SLC25A13: variants seen among roughly 807,000 people sequenced by gnomAD.
The protein encoded by SLC25A13 is solute carrier family 25 member 13.
A neutral mutation model predicts 85.5 loss-of-function variants in SLC25A13; 70 were observed. The ratio of observed to expected loss-of-function variants is 0.82; its 90% CI spans 0.68 to 1.00. The LOEUF (loss-of-function observed/expected upper bound fraction) is 1.00. Ranked by LOEUF, SLC25A13 falls within the 50% of genes least tolerant of loss-of-function variation. SLC25A13 has a pLI of 0.00. For synonymous variants in SLC25A13, 259 were observed against 288.7 expected (o/e 0.90, Z 1.04); for missense variants, 765 against 819.8 (o/e 0.93, Z 0.82).
chr7:96,184,986 G>T lies in SLC25A13; in HGVS notation c.959C>A (p.Pro320Gln). 6.2e-7 allele frequency: 1 copy of T among 1,614,146 alleles called. No individual in the cohort carries two copies. The highest frequency in any genetic ancestry group is 1.3e-5 in the African/African-American group (1 of 75,048). The change falls in exon 10 of 18, where the codon CCA (proline) becomes CAA (glutamine). Residue 320 changes from proline to glutamine, a missense_variant. Coordinates refer to ENST00000265631, the MANE Select transcript of SLC25A13 (RefSeq NM_014251.3). The part of the protein sequence containing the change: ...RQKASGDSAR[P>Q]VLLQVAESAY... ...CGACTCTGCAACTTGTAGAAGAACT[G>T]GTCGAGCTGAATCACCTGAGGCCTT...
chr7:96,170,337 A>G (rs1475761166), intron 12 of SLC25A13, among the ~76,000 whole-genome samples: 2 of 152,214 alleles, frequency 1.3e-5, no homozygotes, highest in Admixed American at 6.5e-5. Flanking sequence ...TGCATCACTG[A>G]TGTTTCAGGA....
intron 1 of SLC25A13, chr7:96,309,645 G>C (rs568770185): frequency 2.0e-5 from 3 of 152,278 alleles, no homozygotes; most frequent in African/African-American, 7.2e-5. Flanking sequence ...GTTACTCTGA[G>C]GCATATCTGT....
Position 96,120,733 on chromosome 7 carries a change from T to C in SLC25A13, c.*458A>G, listed in dbSNP as rs887970622. Reference sequence around the variant, plus strand: ...TTGAAGCCAGGCTGAATATATTTGATATATATTTTTTCATTTCTCCCAGTG... The same window carrying C: ...TTGAAGCCAGGCTGAATATATTTGACATATATTTTTTCATTTCTCCCAGTG... On this transcript the variant is annotated 3_prime_UTR_variant, in exon 18 of 18. Transcript: ENST00000265631. 4.4e-6 allele frequency: 2 copies of C among 454,114 alleles called. No individual in the cohort carries two copies. The highest frequency in any genetic ancestry group is 8.8e-6 in the Non-Finnish European group (2 of 226,910). The allele number at this position is 454,114 out of a possible 1,614,324, so 28.1% of individuals were successfully genotyped here. A position where few individuals can be genotyped will look rare whatever the true frequency, so the allele number is the denominator to read the frequency against.
At chr7:96,254,494 T>C (rs925870692) in intron 3 of SLC25A13, among the ~76,000 whole-genome samples, 3 of 152,236 alleles carry the variant, frequency 2.0e-5, no homozygotes, top group Admixed American at 2.0e-4. Flanking sequence ...GTCCTTATAA[T>C]AAATGTCTTC....
intron 13 of SLC25A13, among the ~76,000 whole-genome samples, chr7:96,150,327 G>A (rs557134718): frequency 2.0e-5 from 3 of 152,142 alleles, no homozygotes; most frequent in Non-Finnish European, 4.4e-5. Context: ...GAAGTAGTAA[G>A]GGTAGAAGTC....
chr7:96,235,081 T>G (rs1796696142), intron 3 of SLC25A13, among the ~76,000 whole-genome samples, 164 bp from the exon 4 acceptor site: 1 of 152,228 alleles, frequency 6.6e-6, no homozygotes, highest in Non-Finnish European at 1.5e-5. Flanking sequence ...TATAGTGGAC[T>G]GAAATAATAA....
At chr7:96,227,415 G>A (rs1157249404) in intron 4 of SLC25A13, among the ~76,000 whole-genome samples, 1 of 152,148 alleles carries the variant, frequency 6.6e-6, no homozygotes, top group Non-Finnish European at 1.5e-5. Flanking sequence ...TGAAATCCCA[G>A]CAGGATGTTT....
At position 96,292,462 on chromosome 7, in the gene SLC25A13, T is replaced by C. The variant is rs1448919308; in HGVS notation, c.69+4436A>G. On this transcript the variant is annotated intron_variant, in intron 2 of 17. Transcript: ENST00000265631. ...AGGCAGGAGAAAGAAATAAAGGGTATTCAATTAGGAAAAGAGGAAGTCAAA... is the reference window on the plus strand; with the variant it reads ...AGGCAGGAGAAAGAAATAAAGGGTACTCAATTAGGAAAAGAGGAAGTCAAA... Among the ~76,000 whole-genome samples the C allele has an allele frequency of 1.7e-4, 26 of 152,152 alleles. 1 individual carries two copies. Among genetic ancestry groups the C allele is most frequent in the Admixed American group, 1.7e-3 (26 of 15,264 alleles).
chr7:96,277,447 G>C lies in SLC25A13; in HGVS notation c.70-109C>G, dbSNP rs1584552377. On this transcript the variant is annotated intron_variant, in intron 2 of 17. Coordinates refer to ENST00000265631, the MANE Select transcript of SLC25A13 (RefSeq NM_014251.3). ...AAAATATCCAAACGATAAAATATCA[G>C]ATATGATCATGTACGCTTCATAATG... 1.5e-5 allele frequency: 16 copies of C among 1,043,362 alleles called. No individual in the cohort carries two copies. The East Asian group carries it at 3.9e-4, about 26-fold the overall frequency. 64.6% of individuals were successfully genotyped at this position (1,043,362 alleles called of 1,614,324 possible). A position where few individuals can be genotyped will look rare whatever the true frequency, so the allele number is the denominator to read the frequency against.
Position 96,277,213 on chromosome 7 carries a change from CACCACTCCACTT to C in SLC25A13, c.183_194del (p.Ser62_Val65del). 1 of 1,598,824 alleles carries C rather than the reference CACCACTCCACTT, an allele frequency of 6.3e-7. No homozygotes were observed. Among genetic ancestry groups the C allele is most frequent in the Non-Finnish European group, 8.5e-7 (1 of 1,171,756 alleles). On this transcript the variant is annotated inframe_deletion, in exon 3 of 18. Coordinates refer to ENST00000265631, the MANE Select transcript of SLC25A13 (RefSeq NM_014251.3). ...AAACATACCCATCTTTGGTCTGATC[CACCACTCCACTT>C]AAAAGTTCCACAGTCTTTGGATTAG... is the stretch of plus-strand genomic sequence containing the variant.
At chr7:96,146,724 C>G in intron 13 of SLC25A13, 28 bp from the exon 14 acceptor site, 2 of 1,613,426 alleles carry the variant, frequency 1.2e-6, no homozygotes, top group South Asian at 2.2e-5. Context: ...GATTTAGGAT[C>G]AAAGCAAAGA....
At chr7:96,174,573 CTTAG>C (rs760617801) in intron 11 of SLC25A13, among the ~76,000 whole-genome samples, 48 of 152,164 alleles carry the variant, frequency 3.2e-4, no homozygotes, top group East Asian at 3.8e-4. Flanking sequence ...TAACAAAATG[CTTAG>C]TTAAACATTT....
intron 2 of SLC25A13, among the ~76,000 whole-genome samples, chr7:96,289,696 A>G (rs1363690631): frequency 2.0e-5 from 3 of 152,200 alleles, no homozygotes; most frequent in Non-Finnish European, 4.4e-5. Flanking sequence ...AAGCGAGAAG[A>G]GAAGTTTAGA....
intron 14 of SLC25A13, among the ~76,000 whole-genome samples, chr7:96,145,834 T>A (rs1792761347): frequency 6.6e-6 from 1 of 152,224 alleles, no homozygotes; most frequent in African/African-American, 2.4e-5. Context: ...TGTGACTGTA[T>A]ACATTTCTGT....
chr7:96,232,595 A>T (rs1451519226), intron 4 of SLC25A13, among the ~76,000 whole-genome samples: 2 of 143,806 alleles, frequency 1.4e-5, no homozygotes, highest in African/African-American at 4.9e-5. Context: ...AACTTACGTT[A>T]AAAAAAAAAA....
chr7:96,171,133 C>T (rs1054822471), intron 12 of SLC25A13, among the ~76,000 whole-genome samples: 1 of 152,160 alleles, frequency 6.6e-6, no homozygotes, highest in Non-Finnish European at 1.5e-5. Flanking sequence ...TTTCCTTATC[C>T]GTAAACTGTG....
At chr7:96,240,153 T>G (rs951631764) in intron 3 of SLC25A13, among the ~76,000 whole-genome samples, 5 of 122,876 alleles carry the variant, frequency 4.1e-5, no homozygotes, top group African/African-American at 1.6e-4. Context: ...GAATACAGAC[T>G]AAAAATTGTG....
chr7:96,239,436 G>A (rs1796879452), intron 3 of SLC25A13, among the ~76,000 whole-genome samples: 1 of 151,570 alleles, frequency 6.6e-6, no homozygotes, highest in Non-Finnish European at 1.5e-5. Context: ...CAGATTTAAT[G>A]AGCATTAACG....
At chr7:96,241,212 T>C (rs758814593) in intron 3 of SLC25A13, among the ~76,000 whole-genome samples, 26 of 152,072 alleles carry the variant, frequency 1.7e-4, no homozygotes, top group Non-Finnish European at 3.7e-4. Flanking sequence ...AGCCTATGGG[T>C]TAGCCCTGCC....
Sources: allele counts gnomAD v4.1 joint callset (sites outside exome capture counted in the v4.1 genomes callset), GRCh38; gene constraint gnomAD v4.1.1; transcripts MANE v1.5; gene names NCBI Gene and HGNC (gene_info 2026-07-23, HGNC 2026-07-21).